MAN2A1: variants seen among roughly 807,000 people sequenced by gnomAD.
The protein encoded by MAN2A1 is alpha-mannosidase 2.
MAN2A1 carries 76 observed loss-of-function variants against 142.6 expected under a neutral mutation model. The ratio of observed to expected loss-of-function variants is 0.53; its 90% CI spans 0.44 to 0.65. The LOEUF is 0.65. Among genes scored for constraint, MAN2A1 ranks in the 30% least tolerant of loss-of-function variants. The pLI is 0.00. For synonymous variants in MAN2A1, 559 were observed against 473.2 expected (o/e 1.18, Z -2.35); for missense variants, 1,311 against 1,365.1 (o/e 0.96, Z 0.62).
intron 4 of MAN2A1, among the ~76,000 whole-genome samples, chr5:109,735,899 T>C (rs954508248): frequency 8.7e-5 from 13 of 148,612 alleles, no homozygotes; most frequent in Admixed American, 6.1e-4. Flanking sequence ...TTTTTTTTTT[T>C]CCCTCTTGAT....
At chr5:109,855,632 C>T (rs1755587649) in intron 20 of MAN2A1, among the ~76,000 whole-genome samples, 2 of 152,168 alleles carry the variant, frequency 1.3e-5, no homozygotes, top group African/African-American at 4.8e-5. Context: ...CCATTCATTT[C>T]TCCTTGTTAG....
At chr5:109,814,803 A>G (rs1754409901) in intron 12 of MAN2A1, among the ~76,000 whole-genome samples, 1 of 152,126 alleles carries the variant, frequency 6.6e-6, no homozygotes, top group Admixed American at 6.6e-5. Flanking sequence ...TCATAGAAGG[A>G]ATTAGTGTTC....
chr5:109,805,719 C>T lies in MAN2A1; in HGVS notation c.1944-11554C>T, dbSNP rs551515955. On this transcript the variant is annotated intron_variant, in intron 12 of 21. Coordinates refer to ENST00000261483, the MANE Select transcript of MAN2A1 (RefSeq NM_002372.4). ...TTGGCGGGTATTAATAGGTAATCCC[C>T]GAGGTCACATCCAGTTAACATTTGG... Among the ~76,000 whole-genome samples the T allele has an allele frequency of 7.6e-4, 115 of 152,210 alleles. 1 individual carries two copies. The highest frequency in any genetic ancestry group is 3.4e-3 in the Middle Eastern group (1 of 294).
chr5:109,780,560 G>A (rs1753429914), intron 8 of MAN2A1, among the ~76,000 whole-genome samples: 1 of 150,936 alleles, frequency 6.6e-6, no homozygotes, highest in South Asian at 2.1e-4. Context: ...ATGTGTGTAG[G>A]AAACAACAAA....
intron 4 of MAN2A1, among the ~76,000 whole-genome samples, chr5:109,733,163 TTGTC>T (rs1254570551): frequency 6.6e-6 from 1 of 152,158 alleles, no homozygotes; most frequent in Admixed American, 6.5e-5. Flanking sequence ...GGCTCTCTGT[TTGTC>T]TGTTATTGGT....
At position 109,691,159 on chromosome 5, in the gene MAN2A1, A is replaced by C. The variant is rs141748668; in HGVS notation, c.135+607A>C. On this transcript the variant is annotated intron_variant, in intron 1 of 21. Transcript: ENST00000261483. ...TGGTTTGTTTGTGGCAGACAGGGGG[A>C]ACCGAGTGGGGAAGCGCGTGTTATA... Among the ~76,000 whole-genome samples, 804 of 152,016 alleles carry C rather than the reference A, an allele frequency of 5.3e-3. 3 individuals are homozygous for C. The highest frequency in any genetic ancestry group is 8.4e-3 in the Non-Finnish European group (571 of 67,984).
intron 19 of MAN2A1, among the ~76,000 whole-genome samples, chr5:109,851,652 T>C (rs991589604): frequency 3.9e-5 from 6 of 152,072 alleles, no homozygotes; most frequent in African/African-American, 1.4e-4. Flanking sequence ...ATCCAGTCTG[T>C]GGTATTCTGT....
intron 10 of MAN2A1, 76 bp from the exon 11 acceptor site, chr5:109,788,858 A>G (rs895500848): frequency 2.0e-5 from 14 of 695,130 alleles, no homozygotes; most frequent in African/African-American, 1.6e-4. Flanking sequence ...TGGTTTGGCT[A>G]TTAGTAATGA....
At chr5:109,841,253 G>A (rs1348888945) in intron 16 of MAN2A1, among the ~76,000 whole-genome samples, 1 of 152,152 alleles carries the variant, frequency 6.6e-6, no homozygotes, top group African/African-American at 2.4e-5. Flanking sequence ...CACCTGAGCA[G>A]TATACACTGC....
intron 8 of MAN2A1, among the ~76,000 whole-genome samples, chr5:109,779,548 T>TACAC (rs964912955): frequency 7.9e-6 from 1 of 126,392 alleles, no homozygotes; most frequent in African/African-American, 3.4e-5. Context: ...CTTTTATGGT[T>TACAC]ACACACACAC....
At chr5:109,775,036 A>T in intron 8 of MAN2A1, 71 bp downstream of exon 8, 1 of 1,030,336 alleles carries the variant, frequency 9.7e-7, no homozygotes, top group Admixed American at 2.6e-5. Flanking sequence ...TATAAACAGA[A>T]ATCCTTAGCT....
chr5:109,841,301 A>G lies in MAN2A1; in HGVS notation c.2567-1027A>G, dbSNP rs957349745. Among the ~76,000 whole-genome samples, 8 of 151,864 alleles carry G rather than the reference A, an allele frequency of 5.3e-5. No homozygotes were observed. In the East Asian group the frequency reaches 5.8e-4, roughly 11 times the overall value. On this transcript the variant is annotated intron_variant, in intron 16 of 21. Coordinates refer to ENST00000261483, the MANE Select transcript of MAN2A1 (RefSeq NM_002372.4). Reference sequence around the variant, plus strand: ...GTCTTTTATCCCTCGCCCCCCTCCAACCCTTCCTCCCAAGTCCCCAAAGTC... The same window carrying G: ...GTCTTTTATCCCTCGCCCCCCTCCAGCCCTTCCTCCCAAGTCCCCAAAGTC...
intron 20 of MAN2A1, among the ~76,000 whole-genome samples, chr5:109,858,893 G>A (rs1005300154): frequency 6.6e-6 from 1 of 152,158 alleles, no homozygotes; most frequent in Non-Finnish European, 1.5e-5. Flanking sequence ...CGAGTTGCAG[G>A]CTGCAGGTAT....
rs749785063 is a variant in MAN2A1 at position 109,770,344 on chromosome 5, C to T, written c.1010-11C>T. ...ATAAATGCAGGTTTGTGTGTTGGCT[C>T]TTTATTTTAGATCTGGGATCTGTCA... is the stretch of plus-strand genomic sequence containing the variant. On this transcript the variant is annotated splice_polypyrimidine_tract_variant and intron_variant, in intron 6 of 21. Transcript: ENST00000261483. 14 of 1,607,510 alleles carry T rather than the reference C, an allele frequency of 8.7e-6. No individual in the cohort carries two copies. The highest frequency in any genetic ancestry group is 1.7e-5 in the Admixed American group (1 of 58,856).
In MAN2A1 at chr5:109,809,818, A is replaced by G. The variant is rs1354071072; in HGVS notation, c.1944-7455A>G. On this transcript the variant is annotated intron_variant, in intron 12 of 21. Coordinates refer to ENST00000261483, the MANE Select transcript of MAN2A1 (RefSeq NM_002372.4). Reference sequence around the variant, plus strand: ...GCTATTCAGGTAATTATATTGTGCTATTTTCTCTTTTATTTCCATCTACAC... The same window carrying G: ...GCTATTCAGGTAATTATATTGTGCTGTTTTCTCTTTTATTTCCATCTACAC... Among the ~76,000 whole-genome samples, 4 of 151,388 alleles carry G rather than the reference A, an allele frequency of 2.6e-5. No individual in the cohort carries two copies. The South Asian group carries it at 6.3e-4, about 24-fold the overall frequency.
intron 12 of MAN2A1, among the ~76,000 whole-genome samples, chr5:109,797,107 C>G (rs1753883888): frequency 6.6e-6 from 1 of 152,164 alleles, no homozygotes; most frequent in Non-Finnish European, 1.5e-5. Flanking sequence ...AGGTAAATGT[C>G]TACTTCTTTG....
intron 4 of MAN2A1, among the ~76,000 whole-genome samples, chr5:109,734,924 C>T (rs953064107): frequency 1.3e-5 from 2 of 152,108 alleles, no homozygotes; most frequent in Admixed American, 6.6e-5. Flanking sequence ...CCTGGGTATC[C>T]TTGTTAACTT....
chr5:109,852,827 T>C (rs1755517569), intron 19 of MAN2A1, among the ~76,000 whole-genome samples: 1 of 152,202 alleles, frequency 6.6e-6, no homozygotes, highest in African/African-American at 2.4e-5. Flanking sequence ...AAGGTTACCT[T>C]TGTAGAGATT....
At chr5:109,765,097 T>C (rs1307589059) in intron 5 of MAN2A1, among the ~76,000 whole-genome samples, 1 of 152,158 alleles carries the variant, frequency 6.6e-6, no homozygotes, top group Non-Finnish European at 1.5e-5. Context: ...AGTAGGACAG[T>C]GTAGTCCACA....
Sources: gnomAD v4.1 joint callset for allele counts (sites outside exome capture counted in the v4.1 genomes callset) on GRCh38, gnomAD v4.1.1 for gene constraint, MANE v1.5 for transcripts, NCBI Gene and HGNC (gene_info 2026-07-23, HGNC 2026-07-21) for gene names.